AKR1C3: variants seen among roughly 807,000 people sequenced by gnomAD.
The protein encoded by AKR1C3 is 3-alpha hydroxysteroid dehydrogenase, type II.
A neutral mutation model predicts 43.6 loss-of-function variants in AKR1C3; 48 were observed. The observed-to-expected ratio is 1.10, with a 90% CI of 0.87 to 1.40. The LOEUF is 1.40. Among genes scored for constraint, AKR1C3 ranks in the 40% most tolerant of loss-of-function variants. The pLI is 0.00. For synonymous variants in AKR1C3, 162 were observed against 139.6 expected, an observed-to-expected ratio of 1.16 and a Z score of -1.13; for missense variants, 482 against 391.2, an observed-to-expected ratio of 1.23 and a Z score of -1.96.
At chr10:5,052,423 A>T (rs1457176927) in intron 1 of AKR1C3, among the ~76,000 whole-genome samples, 1 of 152,342 alleles carries the variant, frequency 6.6e-6, no homozygotes, top group Non-Finnish European at 1.5e-5. Flanking sequence ...TTATTCTCTT[A>T]TCTGGCCCCA....
intron 1 of AKR1C3, chr10:5,077,834 C>G (rs117773450): frequency 0.037 from 19,330 of 517,480 alleles, 494 homozygotes; most frequent in Non-Finnish European, 0.047. Flanking sequence ...GTAAAAATAA[C>G]ATATAAAAAC....
intron 1 of AKR1C3, among the ~76,000 whole-genome samples, chr10:5,059,041 T>A (rs1304458241): frequency 1.3e-5 from 2 of 152,276 alleles, no homozygotes; most frequent in Admixed American, 6.5e-5. Context: ...TCTTTACTTA[T>A]ATGAATAGGA....
intron 3 of AKR1C3, chr10:5,098,234 A>G (rs1839259783): frequency 1.4e-5 from 13 of 958,414 alleles, no homozygotes; most frequent in Admixed American, 6.2e-5. Flanking sequence ...TCATTTGTCT[A>G]TTCTTATCTC....
intron 1 of AKR1C3, among the ~76,000 whole-genome samples, chr10:5,063,295 A>C (rs1838420026): frequency 6.6e-6 from 1 of 152,216 alleles, no homozygotes; most frequent in African/African-American, 2.4e-5. Context: ...AATTTAAGTT[A>C]CATTGGCATT....
chr10:5,055,488 A>G (rs1175511825), intron 1 of AKR1C3, among the ~76,000 whole-genome samples: 1 of 152,242 alleles, frequency 6.6e-6, no homozygotes, highest in Non-Finnish European at 1.5e-5. Context: ...TAGTCCAGAC[A>G]GTGAGATCCT....
At chr10:5,078,194 C>A (rs116740873) in intron 1 of AKR1C3, among the ~76,000 whole-genome samples, 1 of 152,132 alleles carries the variant, frequency 6.6e-6, no homozygotes, top group Non-Finnish European at 1.5e-5. Context: ...GCGGCTGATG[C>A]GGGTGGATCA....
At chr10:5,061,033 C>T (rs2131785691) in intron 1 of AKR1C3, among the ~76,000 whole-genome samples, 1 of 152,330 alleles carries the variant, frequency 6.6e-6, no homozygotes, top group Non-Finnish European at 1.5e-5. Context: ...CCCTCCACAC[C>T]TCCCTGCAAG....
At chr10:5,102,329 G>A in intron 6 of AKR1C3, 119 bp downstream of exon 6, 5 of 1,591,908 alleles carry the variant, frequency 3.1e-6, no homozygotes, top group Non-Finnish European at 4.3e-6. Context: ...AAAGAGAATT[G>A]CATTTCTGAC....
intron 1 of AKR1C3, among the ~76,000 whole-genome samples, chr10:5,087,877 G>C (rs1401333794): frequency 6.6e-6 from 1 of 151,620 alleles, no homozygotes; most frequent in Non-Finnish European, 1.5e-5. Flanking sequence ...CTTTGGGCTT[G>C]GTTTGCTCTT....
chr10:5,101,592 C>T (rs979862061), intron 5 of AKR1C3, among the ~76,000 whole-genome samples: 1 of 152,190 alleles, frequency 6.6e-6, no homozygotes, highest in Non-Finnish European at 1.5e-5. Context: ...TGGACTTGGA[C>T]ATTTTTCCTT....
rs1839543151 is a variant in AKR1C3, at chr10:5,107,660, C to A, written c.*157C>A. 1 of 572,578 alleles carries A rather than the reference C, an allele frequency of 1.7e-6. No individual in the cohort carries two copies. Among genetic ancestry groups the A allele is most frequent in the African/African-American group, 1.9e-5 (1 of 51,336 alleles). The allele number at this position is 572,578 out of a possible 1,614,324, so 35.5% of individuals were successfully genotyped here. On this transcript the variant is annotated 3_prime_UTR_variant, in exon 9 of 9. Transcript: ENST00000380554. The stretch of plus-strand genomic sequence containing the variant: ...CAGCTGAGTCCATAGGCCAGAAAGA[C>A]AATAAATTTTTATCATTTTGAAATA...
intron 1 of AKR1C3, among the ~76,000 whole-genome samples, chr10:5,051,492 A>G (rs1386698986): frequency 6.6e-6 from 1 of 152,206 alleles, no homozygotes; most frequent in African/African-American, 2.4e-5. Context: ...ATGCTCTCAA[A>G]AAATGCAGAT....
At chr10:5,069,629 C>T (rs368136212) in intron 1 of AKR1C3, among the ~76,000 whole-genome samples, 293 of 152,268 alleles carry the variant, frequency 1.9e-3, no homozygotes, top group African/African-American at 6.6e-3. Context: ...AATTCCAGCA[C>T]TTTGAGAGGC....
At chr10:5,096,242 C>T (rs1839203632) in intron 1 of AKR1C3, 168 bp from the exon 2 acceptor site, 1 of 755,888 alleles carries the variant, frequency 1.3e-6, no homozygotes, top group South Asian at 2.3e-5. Context: ...TTCTGGGATG[C>T]TCAACCTTTA....
intron 1 of AKR1C3, among the ~76,000 whole-genome samples, chr10:5,051,827 G>A (rs1838159562): frequency 6.6e-6 from 1 of 152,120 alleles, no homozygotes; most frequent in African/African-American, 2.4e-5. Flanking sequence ...AGGCCATAAG[G>A]GAAAGACAAT....
At position 5,107,667 on chromosome 10, in the gene AKR1C3, T is replaced by A; in HGVS notation, c.*164T>A. On this transcript the variant is annotated 3_prime_UTR_variant, in exon 9 of 9. Coordinates refer to ENST00000380554, the MANE Select transcript of AKR1C3 (RefSeq NM_003739.6). ...GTCCATAGGCCAGAAAGACAATAAATTTTTATCATTTTGAAATAATTGAAT... is the reference window on the plus strand; with the variant it reads ...GTCCATAGGCCAGAAAGACAATAAAATTTTATCATTTTGAAATAATTGAAT... 1.8e-6 allele frequency: 1 copy of A among 566,074 alleles called. No homozygotes were observed. Among genetic ancestry groups the A allele is most frequent in the Non-Finnish European group, 3.1e-6 (1 of 319,604 alleles). The allele number at this position is 566,074 out of a possible 1,614,324, so 35.1% of individuals were successfully genotyped here.
chr10:5,067,924 C>T (rs1838543175), intron 1 of AKR1C3, among the ~76,000 whole-genome samples: 1 of 152,088 alleles, frequency 6.6e-6, no homozygotes, highest in Non-Finnish European at 1.5e-5. Context: ...GACTTATATC[C>T]TCTTGAATAC....
At chr10:5,098,582 C>A (rs560186357) in intron 3 of AKR1C3, among the ~76,000 whole-genome samples, 1 of 152,182 alleles carries the variant, frequency 6.6e-6, no homozygotes, top group Non-Finnish European at 1.5e-5. Flanking sequence ...AGAAAATGGT[C>A]CTTTTCCATG....
intron 1 of AKR1C3, among the ~76,000 whole-genome samples, chr10:5,054,076 C>T (rs1345679299): frequency 5.9e-5 from 9 of 152,200 alleles, no homozygotes; most frequent in Admixed American, 3.3e-4. Flanking sequence ...TTCCTGTAAG[C>T]GCCGGTTGGC....
Sources: gnomAD v4.1 joint callset for allele counts (sites outside exome capture counted in the v4.1 genomes callset) on GRCh38, gnomAD v4.1.1 for gene constraint, MANE v1.5 for transcripts, NCBI Gene and HGNC (gene_info 2026-07-23, HGNC 2026-07-21) for gene names.